BNIP2: variants seen among roughly 807,000 people sequenced by gnomAD.
BNIP2 encodes the protein BCL2 interacting protein 2, also known as BCL2/adenovirus E1B 19 kDa protein-interacting protein 2.
BNIP2 carries 36 observed loss-of-function variants against 43.4 expected under a neutral mutation model. The observed-to-expected ratio is 0.83, with a 90% CI of 0.64 to 1.10. The LOEUF is 1.10. Ranked by LOEUF, BNIP2 falls within the 50% of genes least tolerant of loss-of-function variation. BNIP2 has a pLI of 0.00. For synonymous variants in BNIP2, 146 were observed against 121.0 expected (o/e 1.21, Z -1.35); for missense variants, 417 against 374.1 (o/e 1.11, Z -0.95).
chr15:59,668,878 A>G lies in BNIP2; in HGVS notation c.893+14T>C. On this transcript the variant is annotated intron_variant, in intron 9 of 9. Transcript: ENST00000607373. ...TAAGATCCAATACAATTAAGGAAATAAAACAAAACATACTGTTTTATGCAT... is the reference window on the plus strand; with the variant it reads ...TAAGATCCAATACAATTAAGGAAATGAAACAAAACATACTGTTTTATGCAT... 1 of 1,598,726 alleles carries G rather than the reference A, an allele frequency of 6.3e-7. No individual in the cohort carries two copies. Among genetic ancestry groups the G allele is most frequent in the Non-Finnish European group, 8.6e-7 (1 of 1,168,188 alleles).
rs992314560 is a variant in BNIP2, at chr15:59,679,682, C to T, written c.205G>A (p.Val69Ile). ...CTTTCATCCAAATCATCTGACAATA[C>T]AGAGCCATCACTAGGATCCAGTGTC... ...SLTLDPSDGS[V>I]LSDDLDESGE... The change falls in exon 4 of 10, where the codon GTA (valine) becomes ATA (isoleucine). Residue 69 changes from valine (V) to isoleucine (I), a missense_variant. Transcript: ENST00000607373. 7 of 1,611,698 alleles carry T rather than the reference C, an allele frequency of 4.3e-6. No homozygotes were observed. The highest frequency in any genetic ancestry group is 5.9e-6 in the Non-Finnish European group (7 of 1,179,058).
At position 59,662,936 on chromosome 15, in the gene BNIP2, C is replaced by T. The variant is rs372200198; in HGVS notation, c.*1133G>A. 9.8e-5 allele frequency: 15 copies of T among 152,428 alleles called. No individual in the cohort carries two copies. The highest frequency in any genetic ancestry group is 2.6e-4 in the African/African-American group (11 of 41,558). The allele number at this position is 152,428 out of a possible 1,614,324, so 9.4% of individuals were successfully genotyped here. ...AAACAGTTTAAATGCTTGTAACAAA[C>T]GTGTTATCCAAAACAGCACAATATG... On this transcript the variant is annotated 3_prime_UTR_variant, in exon 10 of 10. Transcript: ENST00000607373.
chr15:59,678,706 A>G (rs192243250), intron 4 of BNIP2: 1 of 1,223,598 alleles, frequency 8.2e-7, no homozygotes, highest in East Asian at 6.1e-5. Flanking sequence ...CTGATTTTCA[A>G]TGTAGTAATA....
At position 59,661,915 on chromosome 15, in the gene BNIP2, C is replaced by T. The variant is rs556252964; in HGVS notation, c.*2154G>A. The T allele has an allele frequency of 5.9e-5, 9 of 152,232 alleles. No individual in the cohort carries two copies. Among genetic ancestry groups the T allele is most frequent in the South Asian group, 4.1e-4 (2 of 4,824 alleles). The allele number at this position is 152,232 out of a possible 1,614,324, so 9.4% of individuals were successfully genotyped here. Reference sequence around the variant, plus strand: ...AAGGTGCAGGTTAAAGCAGGTATCCCTTTAGTTTACTGATTCACAGCACCT... The same window carrying T: ...AAGGTGCAGGTTAAAGCAGGTATCCTTTTAGTTTACTGATTCACAGCACCT... On this transcript the variant is annotated 3_prime_UTR_variant, in exon 10 of 10. Transcript: ENST00000607373.
Position 59,669,271 on chromosome 15 carries a change from A to C in BNIP2, c.794+5T>G. ...AAATTAAAGTCAATGGCTCTCAAAA[A>C]TTACCTAATAAATGGTCTTGTAACA... is the stretch of plus-strand genomic sequence containing the variant. On this transcript the variant is annotated splice_donor_5th_base_variant and intron_variant, in intron 8 of 9. Coordinates refer to ENST00000607373, the MANE Select transcript of BNIP2 (RefSeq NM_004330.4). 6.5e-7 allele frequency: 1 copy of C among 1,532,072 alleles called. No individual in the cohort carries two copies. Among genetic ancestry groups the C allele is most frequent in the Non-Finnish European group, 8.7e-7 (1 of 1,143,386 alleles). The allele number at this position is 1,532,072 out of a possible 1,614,324, so 94.9% of individuals were successfully genotyped here.
At chr15:59,672,763 AT>A in intron 5 of BNIP2, 24 bp from the exon 6 acceptor site, 1 of 1,578,898 alleles carries the variant, frequency 6.3e-7, no homozygotes, top group Non-Finnish European at 8.7e-7. Flanking sequence ...CAAAGACAGT[AT>A]CACCAGCACG....
intron 4 of BNIP2, 41 bp from the exon 5 acceptor site, chr15:59,678,128 A>C: frequency 6.4e-7 from 1 of 1,561,250 alleles, no homozygotes; most frequent in African/African-American, 1.4e-5. Flanking sequence ...ATTGTTACAC[A>C]ACAAAAATCA....
chr15:59,675,262 A>AG (rs1230830085), intron 5 of BNIP2, among the ~76,000 whole-genome samples: 1 of 150,012 alleles, frequency 6.7e-6, no homozygotes, highest in Non-Finnish European at 1.5e-5. Context: ...AAAAAAAAAA[A>AG]GAAAAAAAAA....
chr15:59,679,396 G>C (rs1893507841), intron 4 of BNIP2, 196 bp downstream of exon 4: 1 of 462,140 alleles, frequency 2.2e-6, no homozygotes, highest in Non-Finnish European at 3.7e-6. Flanking sequence ...AAACATGAGA[G>C]CAGTGGGCAA....
chr15:59,675,874 A>C (rs1295917041), intron 5 of BNIP2, among the ~76,000 whole-genome samples: 1 of 152,222 alleles, frequency 6.6e-6, no homozygotes. Flanking sequence ...GCATAGGATG[A>C]TTTTAGTTAC....
intron 7 of BNIP2, 50 bp downstream of exon 7, chr15:59,671,133 A>G: frequency 6.7e-7 from 1 of 1,482,192 alleles, no homozygotes; most frequent in East Asian, 2.4e-5. Flanking sequence ...GATTTCCTAA[A>G]GCCATTATAA....
chr15:59,681,929 T>C (rs1267446705), intron 2 of BNIP2, among the ~76,000 whole-genome samples: 1 of 152,078 alleles, frequency 6.6e-6, no homozygotes, highest in African/African-American at 2.4e-5. Flanking sequence ...TTATAGAAGA[T>C]TATATATATA....
intron 1 of BNIP2, among the ~76,000 whole-genome samples, chr15:59,687,690 T>C (rs778195139): frequency 1.3e-5 from 2 of 152,140 alleles, no homozygotes; most frequent in Non-Finnish European, 2.9e-5. Flanking sequence ...TCTGGTTACA[T>C]ATACTTTCTC....
chr15:59,682,123 T>C (rs1485305035), intron 2 of BNIP2, among the ~76,000 whole-genome samples: 1 of 151,972 alleles, frequency 6.6e-6, no homozygotes, highest in Admixed American at 6.6e-5. Flanking sequence ...GGTCAGGAGT[T>C]TGAGACCAGC....
intron 5 of BNIP2, chr15:59,676,657 C>T: frequency 1.7e-6 from 1 of 592,786 alleles, no homozygotes. Flanking sequence ...GGCAGAGTTT[C>T]TAAAAGTATT....
chr15:59,679,723 G>A lies in BNIP2; in HGVS notation c.164C>T (p.Ala55Val). The change falls in exon 4 of 10, where the codon GCT becomes GTT. Residue 55 changes from alanine to valine, a missense_variant. Transcript: ENST00000607373. Reference sequence around the variant, plus strand: ...ATCCAGTGTCAGGCTAATGTCTGGAGCCATTAGTTTCTTTCTCACTTTATT... The same window carrying A: ...ATCCAGTGTCAGGCTAATGTCTGGAACCATTAGTTTCTTTCTCACTTTATT... ...NGNKVRKKLM[A>V]PDISLTLDPS... 1 of 1,576,336 alleles carries A rather than the reference G, an allele frequency of 6.3e-7. No homozygotes were observed. The highest frequency in any genetic ancestry group is 8.6e-7 in the Non-Finnish European group (1 of 1,167,202).
At chr15:59,683,962 C>G (rs1893858807) in intron 1 of BNIP2, among the ~76,000 whole-genome samples, 1 of 152,194 alleles carries the variant, frequency 6.6e-6, no homozygotes, top group South Asian at 2.1e-4. Flanking sequence ...TTCACATCAA[C>G]CAGTCTTCTA....
intron 5 of BNIP2, chr15:59,677,359 G>A: frequency 1.3e-6 from 2 of 1,547,646 alleles, no homozygotes; most frequent in Non-Finnish European, 1.7e-6. Context: ...TCTTCCATGG[G>A]AGATGACTCT....
chr15:59,676,892 T>C, intron 5 of BNIP2: 1 of 1,600,108 alleles, frequency 6.2e-7, no homozygotes, highest in South Asian at 1.1e-5. Context: ...CGCTGTCACC[T>C]GCACGGTGTG....
Sources: allele counts gnomAD v4.1 joint callset (sites outside exome capture counted in the v4.1 genomes callset), GRCh38; gene constraint gnomAD v4.1.1; transcripts MANE v1.5; gene names NCBI Gene and HGNC (gene_info 2026-07-23, HGNC 2026-07-21).